Variants in CBARP observed in about 807,000 individuals in gnomAD.
The protein encoded by CBARP is voltage-dependent calcium channel beta subunit-associated regulatory protein.
In CBARP, 24 loss-of-function variants were observed where a neutral mutation model predicts 36.3. The observed-to-expected ratio is 0.66, with a 90% CI of 0.48 to 0.93. The LOEUF is 0.93. Among genes scored for constraint, CBARP ranks in the 40% least tolerant of loss-of-function variants. CBARP has a pLI of 0.00. For missense variants in CBARP, 1,146 were observed against 980.4 expected, an observed-to-expected ratio of 1.17 and a Z score of -2.26; for synonymous variants, 586 against 453.2, an observed-to-expected ratio of 1.29 and a Z score of -3.72.
chr19:1,236,163 C>A, intron 1 of CBARP, 42 bp from the exon 2 acceptor site: 1 of 1,362,468 alleles, frequency 7.3e-7, no homozygotes, highest in Non-Finnish European at 9.4e-7. Context: ...AGACCTACTT[C>A]TCCTGCAGGA....
In CBARP at chr19:1,230,061, C is replaced by A; in HGVS notation, c.1236G>T (p.Gln412His). ...CGTCCGGCTCCAGTGGCGGCTGCTG[C>A]TGCTCAGGCCCCGCGCTGCCCGCGC... ...ERGAGSAGPE[Q>H]QQPPLEPDAE... is the part of the protein sequence containing the mutation. The change falls in exon 10 of 10, where the codon CAG (glutamine) becomes CAT (histidine). Residue 412 changes from glutamine (Q) to histidine (H), a missense_variant. By Grantham distance (24) the Gln-to-His change is conservative. Coordinates refer to ENST00000650044, the MANE Select transcript of CBARP (RefSeq NM_001393918.1). 2.5e-6 allele frequency: 3 copies of A among 1,203,380 alleles called. No individual in the cohort carries two copies. Among genetic ancestry groups the A allele is most frequent in the Non-Finnish European group, 2.1e-6 (2 of 950,748 alleles). The allele number at this position is 1,203,380 out of a possible 1,614,324, so 74.5% of individuals were successfully genotyped here.
Position 1,235,569 on chromosome 19 carries a change from G to T in CBARP, c.246-4C>A, listed in dbSNP as rs1263247129. 1 of 1,608,020 alleles carries T rather than the reference G, an allele frequency of 6.2e-7. No homozygotes were observed. ...CTTCTCCGCTTCCTCCATGGCCCTG[G>T]GAGAGACGTTGGGAGAGCCCAGTGG... On this transcript the variant is annotated splice_polypyrimidine_tract_variant and splice_region_variant and intron_variant, in intron 3 of 9. Transcript: ENST00000650044.
At chr19:1,234,472 G>A in intron 6 of CBARP, 99 bp downstream of exon 6, 3 of 1,443,514 alleles carry the variant, frequency 2.1e-6, no homozygotes, top group Non-Finnish European at 2.7e-6. Flanking sequence ...CGAGATGAGG[G>A]CCACCCAGAA....
Position 1,235,866 on chromosome 19 carries a change from G to A in CBARP, c.158C>T (p.Ser53Leu), listed in dbSNP as rs755553784. The A allele has an allele frequency of 6.8e-6, 11 of 1,612,094 alleles. No homozygotes were observed. Among genetic ancestry groups the A allele is most frequent in the Admixed American group, 3.3e-5 (2 of 60,004 alleles). Reference sequence around the variant, plus strand: ...CACCAGCGTGCCCCCCACGAACAGCGACATCACCACCACCAGCAGCACGTA... The same window carrying A: ...CACCAGCGTGCCCCCCACGAACAGCAACATCACCACCACCAGCAGCACGTA... ...DNYVLLVVVM[S>L]LFVGGTLVVL... The change falls in exon 3 of 10, where the codon TCG (serine) becomes TTG (leucine). Residue 53 changes from serine to leucine, a missense_variant. Ser to Leu is a moderately radical substitution (Grantham distance 145). Coordinates refer to ENST00000650044, the MANE Select transcript of CBARP (RefSeq NM_001393918.1).
intron 7 of CBARP, 21 bp downstream of exon 7, chr19:1,234,170 G>T: frequency 6.7e-7 from 1 of 1,496,732 alleles, no homozygotes; most frequent in East Asian, 2.4e-5. Flanking sequence ...GACACCATGG[G>T]GGACACGCAG....
rs149112042 is a variant in CBARP at position 1,232,319 on chromosome 19, G to A, written c.980-1044C>T. Among the ~76,000 whole-genome samples, 694 of 152,186 alleles carry A rather than the reference G, an allele frequency of 4.6e-3. 5 individuals carry two copies. The highest frequency in any genetic ancestry group is 0.016 in the African/African-American group (665 of 41,530). On this transcript the variant is annotated intron_variant, in intron 8 of 9. Coordinates refer to ENST00000650044, the MANE Select transcript of CBARP (RefSeq NM_001393918.1). ...CTAGCTACCTTGGGGGTGGGGGCTG[G>A]GAGAACTCACCCCACCCCCGCTGGC... is the stretch of plus-strand genomic sequence containing the variant.
chr19:1,234,765 G>C (rs967011756), intron 5 of CBARP, 23 bp from the exon 6 acceptor site: 2 of 1,605,686 alleles, frequency 1.2e-6, no homozygotes, highest in Admixed American at 1.7e-5. Flanking sequence ...CTGGCCATCA[G>C]AGCCCGCCCA....
In CBARP at chr19:1,234,275, A is replaced by G; in HGVS notation, c.684T>C (p.Gly228=). 2.7e-6 allele frequency: 4 copies of G among 1,456,218 alleles called. No individual in the cohort carries two copies. The highest frequency in any genetic ancestry group is 3.6e-6 in the Non-Finnish European group (4 of 1,101,986). 90.2% of individuals were successfully genotyped at this position (1,456,218 alleles called of 1,614,324 possible). ...CGCCCGCGGCTGAGTTGTAGGGGTC[A>G]CCTGGCAGGGCGGAGCTGGGGCCCA... ...RSVGPSSALP[G]DPYNSAAGAT... Residue 228 remains glycine (G), a synonymous_variant, in exon 7 of 10, where the codon GGT becomes GGC. Transcript: ENST00000650044.
chr19:1,232,228 A>C (rs986882025), intron 8 of CBARP, among the ~76,000 whole-genome samples: 1 of 151,976 alleles, frequency 6.6e-6, no homozygotes, highest in Non-Finnish European at 1.5e-5. Flanking sequence ...GGCCCCATTC[A>C]TTTCAAGATC....
chr19:1,236,278 G>C (rs1275766068), intron 1 of CBARP, among the ~76,000 whole-genome samples, 157 bp from the exon 2 acceptor site: 1 of 152,208 alleles, frequency 6.6e-6, no homozygotes, highest in Non-Finnish European at 1.5e-5. Context: ...CACCCGGCTT[G>C]GCTCTGCCCA....
intron 1 of CBARP, among the ~76,000 whole-genome samples, chr19:1,237,103 A>G (rs1039830184): frequency 6.6e-6 from 1 of 152,150 alleles, no homozygotes; most frequent in African/African-American, 2.4e-5. Flanking sequence ...TCAGCACCGC[A>G]CGCGCGAGAC....
In CBARP at chr19:1,235,712, A is replaced by AC. The variant is rs531929754; in HGVS notation, c.245+66dup. 260 of 1,601,576 alleles carry AC rather than the reference A, an allele frequency of 1.6e-4. 1 individual carries two copies. The African/African-American group carries it at 1.8e-3, about 11-fold the overall frequency. On this transcript the variant is annotated intron_variant, in intron 3 of 9. Coordinates refer to ENST00000650044, the MANE Select transcript of CBARP (RefSeq NM_001393918.1). ...TGTGACTCAGAAGCCAGTGAGGTAG[A>AC]CCCCCCACCACCCGATGGCACCCAC...
Position 1,236,027 on chromosome 19 carries a change from G to A in CBARP, c.74C>T (p.Thr25Met), listed in dbSNP as rs1331967739. 14 of 1,543,918 alleles carry A rather than the reference G, an allele frequency of 9.1e-6. No homozygotes were observed. Among genetic ancestry groups the A allele is most frequent in the Middle Eastern group, 1.7e-4 (1 of 5,788 alleles). The change falls in exon 2 of 10, where the codon ACG (threonine) becomes ATG (methionine). Residue 25 changes from threonine (T) to methionine (M), a missense_variant. Thr to Met is a moderately conservative substitution (Grantham distance 81). Coordinates refer to ENST00000650044, the MANE Select transcript of CBARP (RefSeq NM_001393918.1). The stretch of plus-strand genomic sequence containing the variant: ...GCGTCCAGTGGCATTGTCCCACGAC[G>A]TCGTCAGGGCTACTGTGGCAGTGGT... ...TTTTATVALT[T>M]SWDNATGRPT...
chr19:1,231,934 G>T (rs999839063), intron 8 of CBARP, among the ~76,000 whole-genome samples: 16 of 152,056 alleles, frequency 1.1e-4, no homozygotes, highest in Non-Finnish European at 2.1e-4. Flanking sequence ...CACTCATAAG[G>T]GCGTGTCCTG....
intron 8 of CBARP, among the ~76,000 whole-genome samples, chr19:1,232,573 T>A (rs931448299): frequency 6.6e-6 from 1 of 151,938 alleles, no homozygotes; most frequent in African/African-American, 2.4e-5. Flanking sequence ...ACACCTCTGC[T>A]CCCCACACAA....
Position 1,234,230 on chromosome 19 carries a change from G to C in CBARP, c.729C>G (p.Ile243Met), listed in dbSNP as rs1184526083. The change falls in exon 7 of 10, where the codon ATC (isoleucine) becomes ATG (methionine). Residue 243 changes from isoleucine (I) to methionine (M), a missense_variant. Coordinates refer to ENST00000650044, the MANE Select transcript of CBARP (RefSeq NM_001393918.1). ...CAGAGTCGCTAGATGCCGAGGGGCT[G>C]ATCTCTGCGAAGTCAGTGGCGCCCG... ...SAAGATDFAE[I>M]SPSASSDSGE... 4 of 1,510,334 alleles carry C rather than the reference G, an allele frequency of 2.6e-6. No homozygotes were observed. Among genetic ancestry groups the C allele is most frequent in the African/African-American group, 2.8e-5 (2 of 71,528 alleles). 93.6% of individuals were successfully genotyped at this position (1,510,334 alleles called of 1,614,324 possible).
At position 1,234,462 on chromosome 19, in the gene CBARP, C is replaced by T. The variant is rs942267021; in HGVS notation, c.627+109G>A. The T allele has an allele frequency of 4.9e-5, 71 of 1,439,370 alleles. No homozygotes were observed. The South Asian group carries it at 6.0e-4, about 12-fold the overall frequency. 89.2% of individuals were successfully genotyped at this position (1,439,370 alleles called of 1,614,324 possible). A position where few individuals can be genotyped will look rare whatever the true frequency, so the allele number is the denominator to read the frequency against. ...CTGCTCCACCCCACCCCGCCCATCC[C>T]GAGATGAGGGCCACCCAGAAAAAGA... On this transcript the variant is annotated intron_variant, in intron 6 of 9. Transcript: ENST00000650044.
Position 1,234,652 on chromosome 19 carries a change from G to T in CBARP, c.546C>A (p.His182Gln), listed in dbSNP as rs775510632. 6.2e-7 allele frequency: 1 copy of T among 1,611,872 alleles called. No homozygotes were observed. The highest frequency in any genetic ancestry group is 1.1e-5 in the South Asian group (1 of 90,458). The change falls in exon 6 of 10, where the codon CAC (histidine) becomes CAA (glutamine). Residue 182 changes from histidine to glutamine, a missense_variant. Transcript: ENST00000650044. ...AGCTGGCCTCGCCTGAGTCACACTC[G>T]TGGATGGTGACAATCTTGAGGGGCG... is the stretch of plus-strand genomic sequence containing the variant. Reference protein sequence around the residue: ...HLPPLKIVTIHECDSGEASSA... With the variant: ...HLPPLKIVTIQECDSGEASSA...
rs770857450 is a variant in CBARP, at chr19:1,230,947, A to C, written c.1154+154T>G. ...TGGTCCATGCTGGAGAGGTGGCCCC[A>C]GTGAGTCCGCCTCTGGGAGGGGCCT... On this transcript the variant is annotated intron_variant, in intron 9 of 9. Coordinates refer to ENST00000650044, the MANE Select transcript of CBARP (RefSeq NM_001393918.1). 3 of 1,581,390 alleles carry C rather than the reference A, an allele frequency of 1.9e-6. No homozygotes were observed. In the African/African-American group the frequency reaches 4.1e-5, roughly 21 times the overall value.
Sources: allele counts gnomAD v4.1 joint callset (sites outside exome capture counted in the v4.1 genomes callset), GRCh38; gene constraint gnomAD v4.1.1; transcripts MANE v1.5; gene names NCBI Gene and HGNC (gene_info 2026-07-23, HGNC 2026-07-21).